KIF13B: variants seen among roughly 807,000 people sequenced by gnomAD.
The protein encoded by KIF13B is kinesin family member 13B.
KIF13B carries 127 observed loss-of-function variants against 222.0 expected under a neutral mutation model. The observed-to-expected ratio is 0.57, with a 90% confidence interval of 0.50 to 0.66. The LOEUF (loss-of-function observed/expected upper bound fraction) is 0.66, where lower values mean the gene tolerates loss of function less well. KIF13B is among the 30% of genes least tolerant of loss of function. The probability of loss-of-function intolerance (pLI) is 0.00; values close to 1 mark genes in which losing one functional copy is unlikely to be tolerated. For missense variants in KIF13B, 2,173 were observed against 2,379.0 expected, an observed-to-expected ratio of 0.91 and a Z score of 1.80; for synonymous variants, 976 against 919.0, an observed-to-expected ratio of 1.06 and a Z score of -1.12.
intron 37 of KIF13B, among the ~76,000 whole-genome samples, chr8:29,082,457 A>G (rs1807855382): frequency 6.6e-6 from 1 of 152,074 alleles, no homozygotes; most frequent in African/African-American, 2.4e-5. Flanking sequence ...TGGGCAACAT[A>G]CCAAGGCCTC....
intron 2 of KIF13B, among the ~76,000 whole-genome samples, chr8:29,223,791 A>C (rs1814879076): frequency 6.6e-6 from 1 of 152,178 alleles, no homozygotes; most frequent in African/African-American, 2.4e-5. Context: ...TCCCGGGTTC[A>C]AGTGATTCTC....
chr8:29,113,424 G>A, intron 32 of KIF13B, 39 bp downstream of exon 32: 2 of 1,260,770 alleles, frequency 1.6e-6, no homozygotes, highest in Non-Finnish European at 2.2e-6. Context: ...CTCTTTTTAA[G>A]TGTTTATTTT....
chr8:29,166,432 C>T (rs969180012), intron 11 of KIF13B, among the ~76,000 whole-genome samples: 5 of 152,312 alleles, frequency 3.3e-5, no homozygotes. Context: ...AGCACGGTGG[C>T]TCACGCCTGT....
At chr8:29,100,721 A>G (rs1244147801) in intron 35 of KIF13B, among the ~76,000 whole-genome samples, 4 of 152,204 alleles carry the variant, frequency 2.6e-5, no homozygotes, top group Non-Finnish European at 5.9e-5. Flanking sequence ...AAGTGCTGAG[A>G]TTACAGGCGT....
At chr8:29,247,838 A>C (rs1232809638) in intron 1 of KIF13B, among the ~76,000 whole-genome samples, 1 of 149,940 alleles carries the variant, frequency 6.7e-6, no homozygotes, top group Non-Finnish European at 1.5e-5. Context: ...TGTCTCAAAA[A>C]AAAAAAAAAA....
At chr8:29,260,339 C>T (rs1816634713) in intron 1 of KIF13B, among the ~76,000 whole-genome samples, 1 of 152,094 alleles carries the variant, frequency 6.6e-6, no homozygotes. Flanking sequence ...TAATGTGATT[C>T]CAAATATCAG....
At chr8:29,089,392 T>G (rs1808189084) in intron 37 of KIF13B, among the ~76,000 whole-genome samples, 1 of 152,180 alleles carries the variant, frequency 6.6e-6, no homozygotes, top group Admixed American at 6.5e-5. Context: ...TGAGCTATCA[T>G]CGCACCACTG....
chr8:29,253,403 T>C (rs1258044523), intron 1 of KIF13B, among the ~76,000 whole-genome samples: 1 of 151,078 alleles, frequency 6.6e-6, no homozygotes, highest in Non-Finnish European at 1.5e-5. Flanking sequence ...ACTCAAGAAA[T>C]GAATCAGCTG....
intron 12 of KIF13B, 27 bp downstream of exon 12, chr8:29,165,635 T>C (rs574331866): frequency 2.3e-5 from 34 of 1,461,892 alleles, no homozygotes; most frequent in South Asian, 1.6e-4. Flanking sequence ...TGAGGTTTCA[T>C]GCGCTTCATC....
chr8:29,145,907 C>A, intron 18 of KIF13B: 1 of 158,266 alleles, frequency 6.3e-6, no homozygotes, highest in Non-Finnish European at 1.4e-5. Flanking sequence ...TTTATTATAC[C>A]AAAAAAAGTA....
intron 2 of KIF13B, among the ~76,000 whole-genome samples, chr8:29,210,439 A>T (rs1356883802): frequency 2.0e-5 from 3 of 152,216 alleles, no homozygotes; most frequent in Admixed American, 6.5e-5. Flanking sequence ...CTCAGATGAG[A>T]TCACAACCAA....
At chr8:29,142,855 A>ATG (rs1491236021) in intron 18 of KIF13B, among the ~76,000 whole-genome samples, 8 of 143,770 alleles carry the variant, frequency 5.6e-5, no homozygotes, top group East Asian at 2.4e-4. Context: ...AAATATATAC[A>ATG]TGTGTGTGTG....
At chr8:29,188,428 ATCAGCAATGTTAC>A in intron 5 of KIF13B, 74 bp downstream of exon 5, 1 of 767,932 alleles carries the variant, frequency 1.3e-6, no homozygotes, top group Admixed American at 2.8e-5. Context: ...CAAGGAATAA[ATCAGCAATGTTAC>A]TCAGTAAAAT....
rs1461328825 is a variant in KIF13B, at chr8:29,226,847, T to C, written c.149+18499A>G. Among the ~76,000 whole-genome samples the C allele has an allele frequency of 3.3e-5, 5 of 152,354 alleles. No homozygotes were observed. The South Asian group carries it at 6.2e-4, about 19-fold the overall frequency. On this transcript the variant is annotated intron_variant, in intron 2 of 39. Transcript: ENST00000524189. ...TTTAAGTTTCGTTGTTAATTGTAGC[T>C]AAAGTGTAGATTTCCAAGTTGGAAA...
At chr8:29,165,906 C>CGACTGTAGATCGAAGTACCTA in intron 11 of KIF13B, 134 bp from the exon 12 acceptor site, 1 of 680,520 alleles carries the variant, frequency 1.5e-6, no homozygotes, top group South Asian at 1.9e-5. Context: ...ACATCTACTT[C>CGACTGTAGATCGAAGTACCTA]GATTGTAGAT....
Position 29,123,490 on chromosome 8 carries a change from T to C in KIF13B, c.3355A>G (p.Lys1119Glu). ...TCACGGTCAGCATCATCCTCTGTTT[T>C]ATCTAGAACATCGAGAATGAGGATT... Reference protein sequence around the residue: ...QLQKLVSKRDKTEDDADREAQ... With the variant: ...QLQKLVSKRDETEDDADREAQ... Residue 1119 changes from lysine (K) to glutamate (E), a missense_variant and splice_region_variant, in exon 28 of 40, where the codon AAA (lysine) becomes GAA (glutamate). This residue lies in a region of KIF13B where 1,480 missense variants were observed against 1,722.8 expected (regional missense o/e 0.86). Coordinates refer to ENST00000524189, the MANE Select transcript of KIF13B (RefSeq NM_015254.4). 2 of 1,613,978 alleles carry C rather than the reference T, an allele frequency of 1.2e-6. No homozygotes were observed. The highest frequency in any genetic ancestry group is 1.7e-6 in the Non-Finnish European group (2 of 1,179,890).
At chr8:29,213,686 C>A (rs1009931600) in intron 2 of KIF13B, among the ~76,000 whole-genome samples, 1 of 152,022 alleles carries the variant, frequency 6.6e-6, no homozygotes. Context: ...CAGTGGCTCA[C>A]GCCTGTAATT....
At chr8:29,199,671 T>C (rs1216233170) in intron 2 of KIF13B, among the ~76,000 whole-genome samples, 1 of 151,744 alleles carries the variant, frequency 6.6e-6, no homozygotes, top group Admixed American at 6.6e-5. Context: ...GCAGTATGTA[T>C]CTGGGATTCA....
At chr8:29,254,171 T>C (rs1816385576) in intron 1 of KIF13B, among the ~76,000 whole-genome samples, 2 of 152,210 alleles carry the variant, frequency 1.3e-5, no homozygotes, top group Non-Finnish European at 2.9e-5. Context: ...CCCTACCTCA[T>C]ACCACATTCA....
Sources: allele counts gnomAD v4.1 joint callset (sites outside exome capture counted in the v4.1 genomes callset), GRCh38; gene constraint gnomAD v4.1.1; regional missense constraint gnomAD v4.1.1; transcripts MANE v1.5; gene names NCBI Gene and HGNC (gene_info 2026-07-23, HGNC 2026-07-21).